The following BRINP3 variants were observed in gnomAD, a reference collection of about 807,000 sequenced individuals.
BRINP3 encodes BMP/retinoic acid-inducible neural-specific protein 3.
Under a neutral mutation model 71.0 loss-of-function variants are expected in BRINP3, and 19 were observed. The ratio of observed to expected loss-of-function variants is 0.27; its 90% CI spans 0.19 to 0.39. The LOEUF (loss-of-function observed/expected upper bound fraction) is 0.39. BRINP3 is among the 10% of genes least tolerant of loss of function. BRINP3 has a pLI of 1.00. For missense variants in BRINP3, 959 were observed against 940.8 expected (o/e 1.02, Z -0.25); for synonymous variants, 380 against 337.7 (o/e 1.13, Z -1.37).
chr1:190,246,789 G>A (rs1189418065), intron 4 of BRINP3, among the ~76,000 whole-genome samples: 1 of 151,904 alleles, frequency 6.6e-6, no homozygotes, highest in Non-Finnish European at 1.5e-5. Context: ...ACTTATTGAT[G>A]TAACTGTTGT....
At position 190,171,725 on chromosome 1, in the gene BRINP3, T is replaced by C. The variant is rs1652025038; in HGVS notation, c.962-10835A>G. Reference sequence around the variant, plus strand: ...TAAAATATATTATACACTAGCCACATTGAGTATCTCTACACATAACTAGGA... The same window carrying C: ...TAAAATATATTATACACTAGCCACACTGAGTATCTCTACACATAACTAGGA... On this transcript the variant is annotated intron_variant, in intron 6 of 7. Coordinates refer to ENST00000367462, the MANE Select transcript of BRINP3 (RefSeq NM_199051.3). 2.0e-5 allele frequency among the ~76,000 whole-genome samples: 3 copies of C among 152,262 alleles called. No individual in the cohort carries two copies. The South Asian group carries it at 6.2e-4, about 32-fold the overall frequency.
chr1:190,414,363 G>T (rs950736365), intron 2 of BRINP3, among the ~76,000 whole-genome samples: 5 of 151,536 alleles, frequency 3.3e-5, no homozygotes, highest in African/African-American at 1.2e-4. Flanking sequence ...TTATCAGTTA[G>T]AAATTACATT....
At chr1:190,125,282 G>A (rs1485880110) in intron 7 of BRINP3, among the ~76,000 whole-genome samples, 1 of 151,244 alleles carries the variant, frequency 6.6e-6, no homozygotes, top group African/African-American at 2.4e-5. Context: ...TATATATGTA[G>A]CATAAAAATA....
intron 7 of BRINP3, among the ~76,000 whole-genome samples, chr1:190,132,067 T>A (rs374692102): frequency 6.6e-6 from 1 of 152,072 alleles, no homozygotes; most frequent in Admixed American, 6.6e-5. Flanking sequence ...CAATTTATAA[T>A]ATTCTTTAGT....
chr1:190,404,372 TTGA>T lies in BRINP3; in HGVS notation c.236+50280_236+50282del. 2.0e-5 allele frequency among the ~76,000 whole-genome samples: 3 copies of T among 152,282 alleles called. No individual in the cohort carries two copies. The East Asian group carries it at 5.8e-4, about 29-fold the overall frequency. On this transcript the variant is annotated intron_variant, in intron 2 of 7. Transcript: ENST00000367462. ...ATATACTTTATATAATAATTTTGTA[TTGA>T]TGGACAAAAAGAACCTGGCCAAAAT... is the stretch of plus-strand genomic sequence containing the variant.
At chr1:190,101,152 A>G (rs1458257225) in intron 7 of BRINP3, among the ~76,000 whole-genome samples, 1 of 152,116 alleles carries the variant, frequency 6.6e-6, no homozygotes, top group Non-Finnish European at 1.5e-5. Context: ...ATAATTACCG[A>G]GTCTGTGATA....
chr1:190,422,754 C>A (rs917379650), intron 2 of BRINP3, among the ~76,000 whole-genome samples: 2 of 151,754 alleles, frequency 1.3e-5, no homozygotes, highest in Admixed American at 6.6e-5. Flanking sequence ...AAACCTCATT[C>A]GAAAACTAGA....
intron 6 of BRINP3, among the ~76,000 whole-genome samples, chr1:190,187,285 A>T (rs1415614251): frequency 1.3e-5 from 2 of 152,106 alleles, no homozygotes; most frequent in Non-Finnish European, 2.9e-5. Flanking sequence ...TTGCCTCCTT[A>T]TCAGATGTAT....
rs201832330 is a variant in BRINP3, at chr1:190,238,777, A to G, written c.619-4300T>C. Among the ~76,000 whole-genome samples, 51 of 152,276 alleles carry G rather than the reference A, an allele frequency of 3.3e-4. 1 individual carries two copies. In the East Asian group the frequency reaches 7.1e-3, roughly 21 times the overall value. ...CATTATATGAGCTAGATACACAGCC[A>G]ACAAAAATGTGAACATGTGTGTACA... On this transcript the variant is annotated intron_variant, in intron 4 of 7. Transcript: ENST00000367462.
At chr1:190,298,170 C>T (rs967302364) in intron 2 of BRINP3, among the ~76,000 whole-genome samples, 56 of 152,016 alleles carry the variant, frequency 3.7e-4, no homozygotes, top group African/African-American at 1.3e-3. Flanking sequence ...TTTATATCCA[C>T]GAGTTGTGTA....
intron 5 of BRINP3, among the ~76,000 whole-genome samples, chr1:190,227,624 A>T (rs931945526): frequency 1.3e-5 from 2 of 151,928 alleles, no homozygotes; most frequent in Admixed American, 1.3e-4. Flanking sequence ...AAAAGTAAAA[A>T]AACTTTTTAT....
At chr1:190,274,051 T>G (rs758903512) in intron 3 of BRINP3, among the ~76,000 whole-genome samples, 40 of 151,554 alleles carry the variant, frequency 2.6e-4, no homozygotes, top group Non-Finnish European at 5.9e-5. Flanking sequence ...GATGTTGATA[T>G]AATGCAAGTT....
intron 2 of BRINP3, among the ~76,000 whole-genome samples, chr1:190,396,643 A>T (rs536008016): frequency 6.7e-6 from 1 of 149,336 alleles, no homozygotes; most frequent in East Asian, 2.0e-4. Context: ...TTTTGAAAAC[A>T]TAAAACAGAG....
intron 4 of BRINP3, among the ~76,000 whole-genome samples, chr1:190,245,514 G>A (rs1012987708): frequency 2.0e-5 from 3 of 151,626 alleles, no homozygotes; most frequent in Admixed American, 1.3e-4. Context: ...CACTCCCCCA[G>A]TTTTCTTTAA....
intron 2 of BRINP3, among the ~76,000 whole-genome samples, chr1:190,304,867 G>A (rs1438317181): frequency 1.3e-5 from 2 of 151,608 alleles, no homozygotes; most frequent in East Asian, 3.9e-4. Context: ...CATCCACCTG[G>A]CAAAGGATTA....
chr1:190,162,857 C>A (rs1423645948), intron 6 of BRINP3, among the ~76,000 whole-genome samples: 3 of 152,018 alleles, frequency 2.0e-5, no homozygotes, highest in Non-Finnish European at 4.4e-5. Context: ...TGAATAATTA[C>A]TTCATTATGA....
chr1:190,250,276 T>C (rs1340188424), intron 4 of BRINP3, among the ~76,000 whole-genome samples: 1 of 151,988 alleles, frequency 6.6e-6, no homozygotes, highest in Non-Finnish European at 1.5e-5. Context: ...ATCACATCAC[T>C]AATTATTTCT....
At chr1:190,253,655 C>T (rs575545823) in intron 4 of BRINP3, among the ~76,000 whole-genome samples, 1 of 151,956 alleles carries the variant, frequency 6.6e-6, no homozygotes, top group Non-Finnish European at 1.5e-5. Context: ...TGTTTAAATT[C>T]TTTGTGGATT....
intron 2 of BRINP3, among the ~76,000 whole-genome samples, chr1:190,371,059 A>G (rs1478872485): frequency 6.6e-6 from 1 of 152,068 alleles, no homozygotes; most frequent in African/African-American, 2.4e-5. Flanking sequence ...TGAATTCCTT[A>G]TATATTTTCA....
Sources: allele counts gnomAD v4.1 joint callset (sites outside exome capture counted in the v4.1 genomes callset), GRCh38; gene constraint gnomAD v4.1.1; transcripts MANE v1.5; gene names NCBI Gene and HGNC (gene_info 2026-07-23, HGNC 2026-07-21).